DNM1L: variants seen among roughly 807,000 people sequenced by gnomAD.
DNM1L encodes dynamin 1L.
In DNM1L, 33 loss-of-function variants were observed where a neutral mutation model predicts 92.8. That is an observed-to-expected ratio of 0.36 (90% CI 0.27 to 0.48). DNM1L has a LOEUF of 0.48. Among genes scored for constraint, DNM1L ranks in the 20% least tolerant of loss-of-function variants. The pLI, the probability that DNM1L is intolerant of heterozygous loss-of-function variation, is 0.99. For missense variants in DNM1L, 485 were observed against 888.8 expected (o/e 0.55, Z 5.78); for synonymous variants, 284 against 305.0 (o/e 0.93, Z 0.72).
intron 16 of DNM1L, among the ~76,000 whole-genome samples, 161 bp downstream of exon 16, chr12:32,738,457 A>C (rs1955056725): frequency 1.3e-5 from 2 of 152,158 alleles, no homozygotes; most frequent in South Asian, 4.1e-4. Context: ...GATGGCATTA[A>C]ACGTTGTTTT....
At position 32,708,182 on chromosome 12, in the gene DNM1L, A is replaced by G. The variant is rs750681544; in HGVS notation, c.327A>G (p.Gln109=). The change falls in exon 4 of 20, where the codon CAA becomes CAG. Residue 109 remains glutamine, a synonymous_variant. Coordinates refer to ENST00000549701, the MANE Select transcript of DNM1L (RefSeq NM_012062.5). Reference sequence around the variant, plus strand: ...ACACGGATTTTGATGAAATTCGACAAGAAATTGAAAATGAAACAGAAAGAA... The same window carrying G: ...ACACGGATTTTGATGAAATTCGACAGGAAATTGAAAATGAAACAGAAAGAA... ...KLYTDFDEIR[Q]EIENETERIS... 6.2e-7 allele frequency: 1 copy of G among 1,606,038 alleles called. No individual in the cohort carries two copies.
In DNM1L at chr12:32,744,335, T is replaced by G. The variant is rs988321991; in HGVS notation, c.*925T>G. On this transcript the variant is annotated 3_prime_UTR_variant, in exon 20 of 20. Coordinates refer to ENST00000549701, the MANE Select transcript of DNM1L (RefSeq NM_012062.5). Reference sequence around the variant, plus strand: ...AAACCAGTGTACTGTATGTATGCATTGGTAATAGCTACTTTTGCTTCATAG... The same window carrying G: ...AAACCAGTGTACTGTATGTATGCATGGGTAATAGCTACTTTTGCTTCATAG... The G allele has an allele frequency of 6.5e-6, 1 of 153,860 alleles. No individual in the cohort carries two copies. The highest frequency in any genetic ancestry group is 2.4e-5 in the African/African-American group (1 of 41,468). The allele number at this position is 153,860 out of a possible 1,614,324, so 9.5% of individuals were successfully genotyped here.
In DNM1L at chr12:32,702,233, C is replaced by CAAAA. The variant is rs1179046487; in HGVS notation, c.250+689_250+692dup. On this transcript the variant is annotated intron_variant, in intron 2 of 19. Coordinates refer to ENST00000549701, the MANE Select transcript of DNM1L (RefSeq NM_012062.5). ...TAGGCGACAGAGTGAGACTCCGTCTCAAAAAAAAAAAAAAAAAAAAAGAAG... is the reference window on the plus strand; with the variant it reads ...TAGGCGACAGAGTGAGACTCCGTCTCAAAAAAAAAAAAAAAAAAAAAAAAAGAAG... Among the ~76,000 whole-genome samples, 561 of 81,032 alleles carry CAAAA rather than the reference C, an allele frequency of 6.9e-3. 6 individuals are homozygous for CAAAA. The highest frequency in any genetic ancestry group is 9.5e-3 in the Non-Finnish European group (374 of 39,446). 53.2% of individuals were successfully genotyped at this position (81,032 alleles called of 152,430 possible).
chr12:32,685,119 A>G (rs1328572095), intron 1 of DNM1L, among the ~76,000 whole-genome samples: 1 of 150,762 alleles, frequency 6.6e-6, no homozygotes, highest in Admixed American at 6.6e-5. Flanking sequence ...TTTTGTTTTT[A>G]GTAGAGACAG....
At position 32,710,803 on chromosome 12, in the gene DNM1L, TAA is replaced by T. The variant is rs989016825; in HGVS notation, c.370-119_370-118del. The T allele has an allele frequency of 7.4e-6, 6 of 815,148 alleles. No homozygotes were observed. The African/African-American group carries it at 8.7e-5, about 12-fold the overall frequency. The allele number at this position is 815,148 out of a possible 1,614,324, so 50.5% of individuals were successfully genotyped here. A position where few individuals can be genotyped will look rare whatever the true frequency, so the allele number is the denominator to read the frequency against. On this transcript the variant is annotated intron_variant, in intron 4 of 19. Coordinates refer to ENST00000549701, the MANE Select transcript of DNM1L (RefSeq NM_012062.5). ...ATGTGTTTCATCAGGTTTTGATTGTTAAAAAAAAGTTTTAGGAATCATGATTT... is the reference window on the plus strand; with the variant it reads ...ATGTGTTTCATCAGGTTTTGATTGTTAAAAAAGTTTTAGGAATCATGATTT...
At chr12:32,683,695 C>T (rs1272311249) in intron 1 of DNM1L, among the ~76,000 whole-genome samples, 1 of 151,898 alleles carries the variant, frequency 6.6e-6, no homozygotes, top group Non-Finnish European at 1.5e-5. Flanking sequence ...CAGGTGCATG[C>T]CACCACGCCC....
chr12:32,694,835 A>C (rs189989065), intron 1 of DNM1L, among the ~76,000 whole-genome samples: 67 of 152,322 alleles, frequency 4.4e-4, no homozygotes, highest in African/African-American at 1.4e-3. Flanking sequence ...GGAGAATTGT[A>C]AATAACCCAA....
chr12:32,705,627 G>T (rs1365530855), intron 2 of DNM1L: 3 of 465,924 alleles, frequency 6.4e-6, no homozygotes, highest in Non-Finnish European at 1.1e-5. Context: ...AATTCTAGTT[G>T]TATTTTGCAC....
chr12:32,692,842 C>T (rs1952285764), intron 1 of DNM1L: 1 of 152,204 alleles, frequency 6.6e-6, no homozygotes. Context: ...TAGCTGTAAT[C>T]TGTATATATG....
chr12:32,680,345 T>C (rs1417562418), intron 1 of DNM1L, among the ~76,000 whole-genome samples: 1 of 152,226 alleles, frequency 6.6e-6, no homozygotes, highest in African/African-American at 2.4e-5. Context: ...AGTATATTGA[T>C]ATTAAGTGCT....
chr12:32,681,316 C>G (rs528918320), intron 1 of DNM1L, among the ~76,000 whole-genome samples: 2 of 152,076 alleles, frequency 1.3e-5, no homozygotes, highest in African/African-American at 2.4e-5. Flanking sequence ...AGAAATTATC[C>G]GAGGTAGGCA....
chr12:32,687,316 G>T (rs1952055341), intron 1 of DNM1L, among the ~76,000 whole-genome samples: 1 of 151,872 alleles, frequency 6.6e-6, no homozygotes, highest in African/African-American at 2.4e-5. Context: ...TCTTGGTATG[G>T]TATGAGGTAG....
At chr12:32,690,018 G>A (rs1157772471) in intron 1 of DNM1L, among the ~76,000 whole-genome samples, 1 of 152,194 alleles carries the variant, frequency 6.6e-6, no homozygotes, top group Non-Finnish European at 1.5e-5. Flanking sequence ...TAGTGCCAGT[G>A]GAGCCCGATT....
intron 1 of DNM1L, among the ~76,000 whole-genome samples, chr12:32,698,618 T>TTTTG (rs1952566903): frequency 6.6e-6 from 1 of 152,190 alleles, no homozygotes; most frequent in Non-Finnish European, 1.5e-5. Flanking sequence ...AAATTAGGAC[T>TTTTG]TTTGCATTTG....
intron 7 of DNM1L, among the ~76,000 whole-genome samples, chr12:32,719,687 A>G (rs943740760): frequency 2.0e-5 from 3 of 152,214 alleles, no homozygotes; most frequent in African/African-American, 7.2e-5. Context: ...TATCCTAATT[A>G]TAAATAGTTG....
At chr12:32,697,159 A>G (rs567103774) in intron 1 of DNM1L, among the ~76,000 whole-genome samples, 1 of 151,826 alleles carries the variant, frequency 6.6e-6, no homozygotes, top group South Asian at 2.1e-4. Flanking sequence ...AACCAGTGAG[A>G]TGGAGGCTGC....
chr12:32,699,789 T>C (rs1592588472), intron 1 of DNM1L, among the ~76,000 whole-genome samples: 3 of 94,320 alleles, frequency 3.2e-5, no homozygotes, highest in Admixed American at 3.6e-4. Context: ...AGAGCAAGAC[T>C]CCATCTCAAA....
intron 16 of DNM1L, among the ~76,000 whole-genome samples, chr12:32,739,071 T>C (rs1349414677): frequency 1.3e-5 from 2 of 152,154 alleles, no homozygotes; most frequent in South Asian, 2.1e-4. Context: ...CATTTAAAAA[T>C]CTAATTACTC....
intron 5 of DNM1L, among the ~76,000 whole-genome samples, chr12:32,712,710 T>A (rs1180288644): frequency 6.7e-6 from 1 of 148,498 alleles, no homozygotes; most frequent in Non-Finnish European, 1.5e-5. Flanking sequence ...TTCCCTAGCC[T>A]GCTGTTCTGC....
Sources: allele counts gnomAD v4.1 joint callset (sites outside exome capture counted in the v4.1 genomes callset), GRCh38; gene constraint gnomAD v4.1.1; transcripts MANE v1.5; gene names NCBI Gene and HGNC (gene_info 2026-07-23, HGNC 2026-07-21).